PCDHA6: variants seen among roughly 807,000 people sequenced by gnomAD.
PCDHA6 encodes the protein protocadherin alpha 6, also known as protocadherin alpha-6.
In PCDHA6, 55 loss-of-function variants were observed where a neutral mutation model predicts 60.3. That is an observed-to-expected ratio of 0.91 (90% CI 0.73 to 1.14). The LOEUF is 1.14. Among genes scored for constraint, PCDHA6 ranks in the 50% most tolerant of loss-of-function variants. PCDHA6 has a pLI of 0.00. For missense variants in PCDHA6, 1,327 were observed against 1,256.5 expected (o/e 1.06, Z -0.85); for synonymous variants, 652 against 557.9 (o/e 1.17, Z -2.38).
In PCDHA6 at chr5:140,946,631, T is replaced by TATAC. The variant is rs57893927; in HGVS notation, c.2395-32317_2395-32316insTACA. ...TGTGAAATATATATATATATATATA[T>TATAC]ACAATGGAATACTCATCAGCCATTA... On this transcript the variant is annotated intron_variant, in intron 1 of 3. Transcript: ENST00000529310. 2.4e-4 allele frequency among the ~76,000 whole-genome samples: 32 copies of TATAC among 131,838 alleles called. 1 individual carries two copies. The highest frequency in any genetic ancestry group is 4.2e-4 in the African/African-American group (12 of 28,706). 86.5% of individuals were successfully genotyped at this position (131,838 alleles called of 152,430 possible).
At position 140,843,079 on chromosome 5, in the gene PCDHA6, C is replaced by T. The variant is rs2150351971; in HGVS notation, c.2394+12594C>T. On this transcript the variant is annotated intron_variant, in intron 1 of 3. Coordinates refer to ENST00000529310, the MANE Select transcript of PCDHA6 (RefSeq NM_018909.4). ...GCAAGCTGGTGCCGCGGTCTGTGGG[C>T]GCGGGCCACGTGGTAGCGAAGGTGC... The T allele has an allele frequency of 6.3e-6, 10 of 1,595,344 alleles. 2 individuals carry two copies. The highest frequency in any genetic ancestry group is 2.2e-5 in the East Asian group (1 of 44,804).
chr5:140,962,708 A>G (rs982426662), intron 1 of PCDHA6, among the ~76,000 whole-genome samples: 1 of 152,240 alleles, frequency 6.6e-6, no homozygotes, highest in African/African-American at 2.4e-5. Context: ...CTATAATCAT[A>G]TTGGAAAGTA....
chr5:140,895,044 C>T (rs964599264), intron 1 of PCDHA6, among the ~76,000 whole-genome samples: 24 of 152,112 alleles, frequency 1.6e-4, no homozygotes, highest in Non-Finnish European at 2.2e-4. Flanking sequence ...CCACCCACAC[C>T]ATTCTGCTTC....
rs1166069883 is a variant in PCDHA6, at chr5:140,829,795, T to C, written c.1704T>C (p.Pro568=). ...ACAACGCGCCGGCGCTGCTGGCGCCTCGGGTGGGTGGTACTGGTGGTGCAG... is the reference window on the plus strand; with the variant it reads ...ACAACGCGCCGGCGCTGCTGGCGCCCCGGGTGGGTGGTACTGGTGGTGCAG... ...ENDNAPALLA[P]RVGGTGGAVS... is the part of the protein sequence containing the mutation. Residue 568 remains proline (P), a synonymous_variant, in exon 1 of 4, where the codon CCT becomes CCC. Coordinates refer to ENST00000529310, the MANE Select transcript of PCDHA6 (RefSeq NM_018909.4). 11 of 1,613,604 alleles carry C rather than the reference T, an allele frequency of 6.8e-6. No individual in the cohort carries two copies. The highest frequency in any genetic ancestry group is 9.3e-6 in the Non-Finnish European group (11 of 1,179,836).
intron 1 of PCDHA6, chr5:140,881,332 C>G (rs923599590): frequency 1.0e-6 from 1 of 984,540 alleles, no homozygotes; most frequent in East Asian, 1.1e-4. Context: ...TTAACCAGGA[C>G]GCCGATTCGG....
chr5:140,838,046 T>C (rs1554136765), intron 1 of PCDHA6, among the ~76,000 whole-genome samples: 1 of 150,988 alleles, frequency 6.6e-6, no homozygotes, highest in African/African-American at 2.4e-5. Flanking sequence ...TTCTGCACTT[T>C]TTGGTTTTCC....
At chr5:140,969,294 T>C in intron 1 of PCDHA6, 2 of 1,614,212 alleles carry the variant, frequency 1.2e-6, no homozygotes, top group Non-Finnish European at 1.7e-6. Context: ...GCTGGGAACC[T>C]GATTATTCTC....
At chr5:140,870,508 C>T in intron 1 of PCDHA6, 1 of 1,614,244 alleles carries the variant, frequency 6.2e-7, no homozygotes, top group Non-Finnish European at 8.5e-7. Flanking sequence ...GAACAACCCA[C>T]CAGGCTGCCA....
At chr5:141,001,143 G>T (rs1310182286) in intron 3 of PCDHA6, among the ~76,000 whole-genome samples, 1 of 151,914 alleles carries the variant, frequency 6.6e-6, no homozygotes, top group Admixed American at 6.5e-5. Context: ...ATCTTCTGTT[G>T]CTCTGATCTT....
chr5:140,887,880 G>A (rs2061617016), intron 1 of PCDHA6, among the ~76,000 whole-genome samples: 1 of 151,970 alleles, frequency 6.6e-6, no homozygotes, highest in African/African-American at 2.4e-5. Flanking sequence ...TCCTTTTGTA[G>A]TATCATATCT....
chr5:140,886,453 A>G (rs1047264611), intron 1 of PCDHA6, among the ~76,000 whole-genome samples: 1 of 152,140 alleles, frequency 6.6e-6, no homozygotes, highest in Non-Finnish European at 1.5e-5. Flanking sequence ...TAATTTTGTC[A>G]TATATAAATG....
chr5:140,981,502 A>G (rs2096935392), intron 2 of PCDHA6, among the ~76,000 whole-genome samples: 2 of 152,218 alleles, frequency 1.3e-5, no homozygotes, highest in Non-Finnish European at 2.9e-5. Flanking sequence ...TGAACCTGGG[A>G]GGCAGAGGTT....
At position 140,857,846 on chromosome 5, in the gene PCDHA6, T is replaced by C. The variant is rs782107328; in HGVS notation, c.2394+27361T>C. 6.3e-6 allele frequency: 10 copies of C among 1,597,716 alleles called. 1 individual carries two copies. Among genetic ancestry groups the C allele is most frequent in the Non-Finnish European group, 8.6e-6 (10 of 1,167,514 alleles). ...TAAGGTGCGCGCAGTGGACGCTGAC[T>C]CTGGATACAACGCGTGGCTGTCGTA... is the stretch of plus-strand genomic sequence containing the variant. On this transcript the variant is annotated intron_variant, in intron 1 of 3. Coordinates refer to ENST00000529310, the MANE Select transcript of PCDHA6 (RefSeq NM_018909.4).
chr5:140,875,834 T>C (rs1562703586), intron 1 of PCDHA6: 2 of 1,613,958 alleles, frequency 1.2e-6, no homozygotes, highest in Non-Finnish European at 1.7e-6. Context: ...CATGTGGACG[T>C]GGAGGTGAAG....
intron 1 of PCDHA6, among the ~76,000 whole-genome samples, chr5:140,886,744 TG>T (rs2061111877): frequency 6.6e-6 from 1 of 150,996 alleles, no homozygotes. Flanking sequence ...GAGAATTGCT[TG>T]AACCCGGGAG....
chr5:140,960,482 G>GTGTA (rs1585840878), intron 1 of PCDHA6, among the ~76,000 whole-genome samples: 1 of 152,150 alleles, frequency 6.6e-6, no homozygotes, highest in Non-Finnish European at 1.5e-5. Context: ...TTACACAGAG[G>GTGTA]TGTAGGTTTG....
chr5:140,842,067 T>G, intron 1 of PCDHA6: 1 of 1,613,874 alleles, frequency 6.2e-7, no homozygotes, highest in Non-Finnish European at 8.5e-7. Flanking sequence ...GAATACGAAG[T>G]AAGAATATTC....
rs377370256 is a variant in PCDHA6 at position 140,966,811 on chromosome 5, G to A, written c.2395-12138G>A. On this transcript the variant is annotated intron_variant, in intron 1 of 3. Transcript: ENST00000529310. ...GACCTGCGGCGACAGAGCATCCACGGCTCCGGCGGCCCATGCCCTGGCTGC... is the reference window on the plus strand; with the variant it reads ...GACCTGCGGCGACAGAGCATCCACGACTCCGGCGGCCCATGCCCTGGCTGC... The A allele has an allele frequency of 1.4e-5, 21 of 1,549,722 alleles. No individual in the cohort carries two copies. The African/African-American group carries it at 2.6e-4, about 19-fold the overall frequency.
intron 1 of PCDHA6, chr5:140,857,521 CTCTCT>C: frequency 6.3e-7 from 1 of 1,598,106 alleles, no homozygotes; most frequent in Non-Finnish European, 8.6e-7. Flanking sequence ...TGGTGTCCTA[CTCTCT>C]GGTGGAGCGG....
Sources: gnomAD v4.1 joint callset for allele counts (sites outside exome capture counted in the v4.1 genomes callset) on GRCh38, gnomAD v4.1.1 for gene constraint, MANE v1.5 for transcripts, NCBI Gene and HGNC (gene_info 2026-07-23, HGNC 2026-07-21) for gene names.